The following SMG7 variants were observed in gnomAD, a reference collection of about 807,000 sequenced individuals.
SMG7 encodes the protein nonsense-mediated mRNA decay factor SMG7.
In SMG7, 34 loss-of-function variants were observed where a neutral mutation model predicts 148.2. That is an observed-to-expected ratio of 0.23 (90% confidence interval 0.17 to 0.31). SMG7 has a LOEUF of 0.31. Ranked by LOEUF, SMG7 falls within the 10% of genes least tolerant of loss-of-function variation. The probability of loss-of-function intolerance (pLI) is 1.00; values close to 1 mark genes in which losing one functional copy is unlikely to be tolerated. For synonymous variants in SMG7, 492 were observed against 515.1 expected (o/e 0.96, Z 0.61); for missense variants, 1,114 against 1,408.4 (o/e 0.79, Z 3.35).
chr1:183,506,666 A>C (rs982273209), intron 1 of SMG7, among the ~76,000 whole-genome samples: 5 of 150,870 alleles, frequency 3.3e-5, no homozygotes, highest in Non-Finnish European at 3.0e-5. Context: ...AAAAAAAAAA[A>C]ACACGAAAAA....
rs1666137979 is a variant in SMG7, at chr1:183,527,716, T to G, written c.485-240T>G. 1.9e-6 allele frequency: 1 copy of G among 539,448 alleles called. No individual in the cohort carries two copies. 33.4% of individuals were successfully genotyped at this position (539,448 alleles called of 1,614,324 possible). Reference sequence around the variant, plus strand: ...TGGTGATGCATGACACTGGAGGACCTGAAAATGGGGTCTAGGTAAGCTTTA... The same window carrying G: ...TGGTGATGCATGACACTGGAGGACCGGAAAATGGGGTCTAGGTAAGCTTTA... On this transcript the variant is annotated intron_variant, in intron 5 of 22. Coordinates refer to ENST00000688051, the MANE Select transcript of SMG7 (RefSeq NM_001375584.1). The surrounding 1 kb of genome is among the most constrained non-coding windows in gnomAD (Gnocchi z 4.0).
Position 183,541,001 on chromosome 1 carries a change from A to G in SMG7, c.1313A>G (p.Lys438Arg), listed in dbSNP as rs775655050. ...RPSFRNLDFSKGHQGITGDKE... is the reference protein window; with the variant it reads ...RPSFRNLDFSRGHQGITGDKE... The stretch of plus-strand genomic sequence containing the variant: ...AATTTTAGGAACTTGGATTTTTCCA[A>G]AGGTCACCAGGGTATTACAGGGGAC... The change falls in exon 13 of 23, where the codon AAA (lysine) becomes AGA (arginine). Residue 438 changes from lysine (K) to arginine (R), a missense_variant. Physicochemically the swap from Lys to Arg is conservative, Grantham distance 26 (BLOSUM62 2). Transcript: ENST00000688051. 1.2e-5 allele frequency: 20 copies of G among 1,612,662 alleles called. No homozygotes were observed. Among genetic ancestry groups the G allele is most frequent in the South Asian group, 1.2e-4 (11 of 90,910 alleles).
At chr1:183,482,232 G>A (rs1654327079) in intron 1 of SMG7, among the ~76,000 whole-genome samples, 1 of 151,656 alleles carries the variant, frequency 6.6e-6, no homozygotes, top group African/African-American at 2.4e-5. Context: ...GTGGGGGTGG[G>A]GGGTCTAAGG....
intron 1 of SMG7, chr1:183,473,696 A>T: frequency 2.1e-6 from 2 of 975,536 alleles, no homozygotes; most frequent in South Asian, 9.5e-5. Flanking sequence ...GGAAGACTTT[A>T]AAATTGGTCC....
At chr1:183,551,733 C>T in intron 22 of SMG7, 85 bp from the exon 23 acceptor site, 1 of 1,031,196 alleles carries the variant, frequency 9.7e-7, no homozygotes, top group South Asian at 2.1e-5. Context: ...CATATATATG[C>T]CTTTATATTT....
chr1:183,549,364 A>C, intron 19 of SMG7, 76 bp downstream of exon 19: 1 of 1,068,654 alleles, frequency 9.4e-7, no homozygotes, highest in Non-Finnish European at 1.4e-6. Flanking sequence ...CTGTTTCAGT[A>C]TGTCTGTTTT....
At position 183,552,936 on chromosome 1, in the gene SMG7, T is replaced by G; in HGVS notation, c.*1005T>G. 6.6e-7 allele frequency: 1 copy of G among 1,524,348 alleles called. No individual in the cohort carries two copies. The highest frequency in any genetic ancestry group is 8.8e-7 in the Non-Finnish European group (1 of 1,138,016). The allele number at this position is 1,524,348 out of a possible 1,614,324, so 94.4% of individuals were successfully genotyped here. A position where few individuals can be genotyped will look rare whatever the true frequency, so the allele number is the denominator to read the frequency against. On this transcript the variant is annotated 3_prime_UTR_variant, in exon 23 of 23. Coordinates refer to ENST00000688051, the MANE Select transcript of SMG7 (RefSeq NM_001375584.1). ...TTACCCAATGCTGTATGCTAGTAAT[T>G]GTTTTTATTCCTAATGTGTGCAACA...
At chr1:183,500,894 A>G (rs765212653) in intron 1 of SMG7, among the ~76,000 whole-genome samples, 1 of 152,246 alleles carries the variant, frequency 6.6e-6, no homozygotes, top group Non-Finnish European at 1.5e-5. Context: ...CTTGAGTTTT[A>G]TCATATTTTC....
intron 18 of SMG7, chr1:183,548,938 C>CA (rs1048058844): frequency 3.0e-5 from 14 of 465,742 alleles, no homozygotes; most frequent in Non-Finnish European, 4.6e-5. Context: ...CATAAACACT[C>CA]AGAGTGCTGT....
chr1:183,517,253 G>A (rs1298892546), intron 3 of SMG7, among the ~76,000 whole-genome samples: 2 of 152,336 alleles, frequency 1.3e-5, no homozygotes, highest in East Asian at 1.9e-4. Flanking sequence ...GGGGAAGTAA[G>A]AGATATGGCT....
chr1:183,533,295 G>C lies in SMG7; in HGVS notation c.975G>C (p.Gln325His), dbSNP rs1667183677. Reference protein sequence around the residue: ...TEQHTYSQDEQLCWTQLLALF... With the variant: ...TEQHTYSQDEHLCWTQLLALF... ...AGCACACTTATAGCCAAGATGAGCAGCTATGTTGGACACAGTTGCTGGCCC... is the reference window on the plus strand; with the variant it reads ...AGCACACTTATAGCCAAGATGAGCACCTATGTTGGACACAGTTGCTGGCCC... Residue 325 changes from glutamine (Q) to histidine (H), a missense_variant, in exon 9 of 23, where the codon CAG (glutamine) becomes CAC (histidine). Physicochemically the swap from Gln to His is conservative, Grantham distance 24 (BLOSUM62 0). Coordinates refer to ENST00000688051, the MANE Select transcript of SMG7 (RefSeq NM_001375584.1). The C allele has an allele frequency of 5.0e-6, 8 of 1,613,844 alleles. No individual in the cohort carries two copies. The highest frequency in any genetic ancestry group is 6.8e-6 in the Non-Finnish European group (8 of 1,179,782).
At chr1:183,507,068 G>A (rs375412620) in intron 1 of SMG7, among the ~76,000 whole-genome samples, 6 of 151,802 alleles carry the variant, frequency 4.0e-5, no homozygotes, top group Admixed American at 2.0e-4. Context: ...TAGTAGAGAC[G>A]AGGCTTCGCT....
At position 183,517,840 on chromosome 1, in the gene SMG7, C is replaced by T; in HGVS notation, c.312+20C>T. On this transcript the variant is annotated intron_variant, in intron 4 of 22. Transcript: ENST00000688051. The stretch of plus-strand genomic sequence containing the variant: ...ACTCAGGTGAGTTCTGCATTGTATA[C>T]CAGTTTTCTTACTATTAGTGGTAAA... 1.2e-6 allele frequency: 2 copies of T among 1,612,634 alleles called. No individual in the cohort carries two copies. Among genetic ancestry groups the T allele is most frequent in the South Asian group, 2.2e-5 (2 of 91,038 alleles).
Position 183,484,360 on chromosome 1 carries a change from AT to A in SMG7, c.29+11728del, listed in dbSNP as rs35414239. Among the ~76,000 whole-genome samples, 691 of 144,948 alleles carry A rather than the reference AT, an allele frequency of 4.8e-3. 4 individuals are homozygous for A. The highest frequency in any genetic ancestry group is 0.021 in the Middle Eastern group (6 of 282). On this transcript the variant is annotated intron_variant, in intron 1 of 22. Transcript: ENST00000688051. ...AATTGTTATTTTTTTCTGAAAAAAA[AT>A]TTTTTTTTTTTTTTTTGGTCTACAA...
rs752018753 is a variant in SMG7, at chr1:183,526,685, G to A, written c.402G>A (p.Thr134=). 8.6e-5 allele frequency: 139 copies of A among 1,613,430 alleles called. No individual in the cohort carries two copies. The highest frequency in any genetic ancestry group is 1.1e-4 in the Non-Finnish European group (135 of 1,179,682). ...SQLGIISNKQ[T]HTSAIVKPQS... ...TGGGAATTATCAGCAATAAACAGAC[G>A]CATACCAGCGCCATAGTGAAGCCAC... The change falls in exon 5 of 23, where the codon ACG becomes ACA. Residue 134 remains threonine, a synonymous_variant. Transcript: ENST00000688051.
At chr1:183,549,348 C>A in intron 19 of SMG7, 60 bp downstream of exon 19, 1 of 1,177,152 alleles carries the variant, frequency 8.5e-7, no homozygotes, top group Non-Finnish European at 1.3e-6. Context: ...CATTGTCTTT[C>A]TCATACTGTT....
chr1:183,473,866 C>G, intron 1 of SMG7: 4 of 985,292 alleles, frequency 4.1e-6, no homozygotes, highest in Non-Finnish European at 4.8e-6. Context: ...AAAGTATTGA[C>G]GTGTGTGGAT....
chr1:183,543,103 G>A (rs930122844), intron 14 of SMG7, among the ~76,000 whole-genome samples: 4 of 151,870 alleles, frequency 2.6e-5, no homozygotes, highest in African/African-American at 9.7e-5. Context: ...TTTCTTGCTG[G>A]GAAAAGATAA....
At chr1:183,494,129 A>G (rs2102239176) in intron 1 of SMG7, among the ~76,000 whole-genome samples, 1 of 152,280 alleles carries the variant, frequency 6.6e-6, no homozygotes, top group African/African-American at 2.4e-5. Context: ...CTGGGACTAC[A>G]GGCATACGCC....
Sources: gnomAD v4.1 joint callset for allele counts (sites outside exome capture counted in the v4.1 genomes callset) on GRCh38, gnomAD v4.1.1 for gene constraint, Gnocchi (gnomAD v3.1) non-coding constraint, MANE v1.5 for transcripts, NCBI Gene and HGNC (gene_info 2026-07-23, HGNC 2026-07-21) for gene names.